CD109: variants seen among roughly 807,000 people sequenced by gnomAD.
CD109 encodes CD109 molecule.
CD109 carries 149 observed loss-of-function variants against 165.8 expected under a neutral mutation model. That is an observed-to-expected ratio of 0.90 (90% confidence interval 0.79 to 1.03). CD109 has a LOEUF of 1.03. CD109 is among the 50% of genes least tolerant of loss of function. The pLI is 0.00. For synonymous variants in CD109, 585 were observed against 592.1 expected (o/e 0.99, Z 0.18); for missense variants, 1,712 against 1,677.8 (o/e 1.02, Z -0.36).
chr6:73,773,939 T>C (rs2150239107), intron 15 of CD109, among the ~76,000 whole-genome samples: 1 of 152,330 alleles, frequency 6.6e-6, no homozygotes, highest in East Asian at 1.9e-4. Context: ...TATCTCTTTG[T>C]CTTTTCTGTG....
At chr6:73,821,790 G>A (rs1289815771) in intron 32 of CD109, among the ~76,000 whole-genome samples, 9 of 152,268 alleles carry the variant, frequency 5.9e-5, no homozygotes, top group South Asian at 2.1e-4. Context: ...TTATTTGGGT[G>A]ACAGGATCAA....
At position 73,728,528 on chromosome 6, in the gene CD109, T is replaced by G. The variant is rs146811722; in HGVS notation, c.277-1816T>G. Among the ~76,000 whole-genome samples the G allele has an allele frequency of 1.9e-3, 290 of 152,356 alleles. 1 individual carries two copies. Among genetic ancestry groups the G allele is most frequent in the African/African-American group, 6.7e-3 (278 of 41,590 alleles). ...TTTACTATACTTGCTCTATCATACATCTATCCATCTACCCATCTTTCTATC... is the reference window on the plus strand; with the variant it reads ...TTTACTATACTTGCTCTATCATACAGCTATCCATCTACCCATCTTTCTATC... On this transcript the variant is annotated intron_variant, in intron 3 of 32. Coordinates refer to ENST00000287097, the MANE Select transcript of CD109 (RefSeq NM_133493.5).
intron 32 of CD109, among the ~76,000 whole-genome samples, chr6:73,823,205 T>C (rs1047098106): frequency 6.6e-6 from 1 of 152,204 alleles, no homozygotes; most frequent in African/African-American, 2.4e-5. Context: ...GCAGCTGCAG[T>C]CTATTTGCTC....
At chr6:73,817,844 A>G (rs1303262567) in intron 30 of CD109, among the ~76,000 whole-genome samples, 1 of 152,180 alleles carries the variant, frequency 6.6e-6, no homozygotes, top group Non-Finnish European at 1.5e-5. Context: ...AAAACAGAAA[A>G]TGTTCTTCAA....
chr6:73,737,766 A>G (rs1023397621), intron 5 of CD109, among the ~76,000 whole-genome samples: 1 of 152,218 alleles, frequency 6.6e-6, no homozygotes, highest in Non-Finnish European at 1.5e-5. Context: ...GTGTGGGAGT[A>G]GGGAAAATGG....
In CD109 at chr6:73,730,526, C is replaced by T. The variant is rs1772327612; in HGVS notation, c.459C>T (p.Leu153=). The T allele has an allele frequency of 6.2e-7, 1 of 1,613,958 alleles. No individual in the cohort carries two copies. Among genetic ancestry groups the T allele is most frequent in the African/African-American group, 1.3e-5 (1 of 74,932 alleles). Residue 153 remains leucine (L), a synonymous_variant, in exon 4 of 33, where the codon CTC becomes CTT. Transcript: ENST00000287097. Reference sequence around the variant, plus strand: ...AAGTGAAGTTTCGCATTGTTACACTCTTCTCAGATTTTAAGCCTTACAAAA... The same window carrying T: ...AAGTGAAGTTTCGCATTGTTACACTTTTCTCAGATTTTAAGCCTTACAAAA... ...KQEVKFRIVT[L]FSDFKPYKTS...
chr6:73,719,306 A>G (rs1771861559), intron 2 of CD109, among the ~76,000 whole-genome samples: 1 of 152,206 alleles, frequency 6.6e-6, no homozygotes. Flanking sequence ...CAGATTTAGT[A>G]GATTAAAACA....
chr6:73,796,780 G>A (rs1399066936), intron 23 of CD109, among the ~76,000 whole-genome samples: 2 of 152,184 alleles, frequency 1.3e-5, no homozygotes, highest in Non-Finnish European at 2.9e-5. Context: ...GGTCGACCTG[G>A]CCTTGGCATT....
At chr6:73,813,064 G>T (rs1481568570) in intron 29 of CD109, among the ~76,000 whole-genome samples, 2 of 152,218 alleles carry the variant, frequency 1.3e-5, no homozygotes, top group Non-Finnish European at 2.9e-5. Context: ...GGTATACCTT[G>T]CTAAGCAGGT....
chr6:73,805,929 C>T (rs1264973867), intron 24 of CD109, among the ~76,000 whole-genome samples: 1 of 152,160 alleles, frequency 6.6e-6, no homozygotes, highest in Non-Finnish European at 1.5e-5. Flanking sequence ...AATGGAGTCT[C>T]CTATGTCTAC....
chr6:73,787,207 A>C, intron 20 of CD109, 27 bp from the exon 21 acceptor site: 1 of 1,478,586 alleles, frequency 6.8e-7, no homozygotes. Context: ...TATTATACAA[A>C]AGCTTTGATT....
chr6:73,717,611 C>CTTTTTT (rs779915655), intron 2 of CD109, among the ~76,000 whole-genome samples: 21 of 74,816 alleles, frequency 2.8e-4, no homozygotes, highest in Non-Finnish European at 4.5e-4. Flanking sequence ...TCTACTGATT[C>CTTTTTT]TTTTTTTTTT....
At chr6:73,734,239 A>G (rs982782997) in intron 4 of CD109, among the ~76,000 whole-genome samples, 3 of 151,784 alleles carry the variant, frequency 2.0e-5, no homozygotes, top group African/African-American at 7.3e-5. Flanking sequence ...TTCTCCCCCA[A>G]CCCTCCAGAT....
intron 31 of CD109, among the ~76,000 whole-genome samples, chr6:73,819,902 C>G (rs1358361651): frequency 1.3e-5 from 2 of 152,210 alleles, no homozygotes; most frequent in East Asian, 3.8e-4. Context: ...TCATTTACTA[C>G]TATTGGCAAA....
At chr6:73,783,883 A>G in intron 19 of CD109, 59 bp downstream of exon 19, 2 of 909,564 alleles carry the variant, frequency 2.2e-6, no homozygotes, top group African/African-American at 1.9e-5. Flanking sequence ...ATACAGCGTC[A>G]GCTCCTCAAT....
chr6:73,736,535 G>C (rs752592530), intron 5 of CD109, 27 bp downstream of exon 5: 1 of 1,592,982 alleles, frequency 6.3e-7, no homozygotes, highest in Non-Finnish European at 8.5e-7. Flanking sequence ...TTTTTGGGGG[G>C]AATGTTAAAG....
rs777530359 is a variant in CD109 at position 73,765,973 on chromosome 6, A to G, written c.1151A>G (p.Glu384Gly). Residue 384 changes from glutamate (E) to glycine (G), a missense_variant, in exon 11 of 33, where the codon GAA becomes GGA. By Grantham distance (98) the Glu-to-Gly change is moderately conservative. Coordinates refer to ENST00000287097, the MANE Select transcript of CD109 (RefSeq NM_133493.5). Reference protein sequence around the residue: ...RADGNQLTLEERRNNVVITVT... With the variant: ...RADGNQLTLEGRRNNVVITVT... ...GATGGCAACCAACTGACTCTTGAAG[A>G]AAGAAGAAATAATGTAGTCATAACA... is the stretch of plus-strand genomic sequence containing the variant. 2.5e-6 allele frequency: 4 copies of G among 1,614,120 alleles called. No individual in the cohort carries two copies. Among genetic ancestry groups the G allele is most frequent in the East Asian group, 4.5e-5 (2 of 44,878 alleles).
Position 73,827,115 on chromosome 6 carries a change from G to A in CD109, c.*3482G>A, listed in dbSNP as rs894660470. 1 of 152,034 alleles carries A rather than the reference G, an allele frequency of 6.6e-6. No homozygotes were observed. The highest frequency in any genetic ancestry group is 1.5e-5 in the Non-Finnish European group (1 of 67,984). 9.4% of individuals were successfully genotyped at this position (152,034 alleles called of 1,614,324 possible). A position where few individuals can be genotyped will look rare whatever the true frequency, so the allele number is the denominator to read the frequency against. ...TTCTTTTCACAACCTTACTTTTTCT[G>A]ATTTGCTTTATTGAATGATTGAATA... On this transcript the variant is annotated 3_prime_UTR_variant, in exon 33 of 33. Coordinates refer to ENST00000287097, the MANE Select transcript of CD109 (RefSeq NM_133493.5).
chr6:73,816,170 G>A (rs1775931739), intron 30 of CD109, among the ~76,000 whole-genome samples: 1 of 152,096 alleles, frequency 6.6e-6, no homozygotes, highest in Admixed American at 6.6e-5. Flanking sequence ...TCCCACATTT[G>A]TCCCATTCTT....
Sources: gnomAD v4.1 joint callset for allele counts (sites outside exome capture counted in the v4.1 genomes callset) on GRCh38, gnomAD v4.1.1 for gene constraint, MANE v1.5 for transcripts, NCBI Gene and HGNC (gene_info 2026-07-23, HGNC 2026-07-21) for gene names.